SAP30BP: variants seen among roughly 807,000 people sequenced by gnomAD.
The protein encoded by SAP30BP is SAP30 binding protein.
SAP30BP carries 31 observed loss-of-function variants against 46.3 expected under a neutral mutation model. The observed-to-expected ratio is 0.67, with a 90% confidence interval of 0.50 to 0.90. SAP30BP has a LOEUF of 0.90. Ranked by LOEUF, SAP30BP falls within the 40% of genes least tolerant of loss-of-function variation. SAP30BP has a pLI of 0.00. For synonymous variants in SAP30BP, 169 were observed against 144.2 expected, an observed-to-expected ratio of 1.17 and a Z score of -1.23; for missense variants, 312 against 391.0, an observed-to-expected ratio of 0.80 and a Z score of 1.70.
Position 75,700,438 on chromosome 17 carries a change from C to T in SAP30BP, c.396+567C>T, listed in dbSNP as rs373154263. Among the ~76,000 whole-genome samples the T allele has an allele frequency of 7.6e-4, 115 of 152,304 alleles. 2 individuals are homozygous for T. In the South Asian group the frequency reaches 0.017, roughly 22 times the overall value. On this transcript the variant is annotated intron_variant, in intron 5 of 10. Coordinates refer to ENST00000584667, the MANE Select transcript of SAP30BP (RefSeq NM_013260.8). ...CAGCTAGGGTTCAGCCCGTGGCTCT[C>T]CTTGTCCCTCTGTGGGTTCCCTTGT...
chr17:75,701,066 T>C (rs1394924796), intron 5 of SAP30BP, among the ~76,000 whole-genome samples: 2 of 152,130 alleles, frequency 1.3e-5, no homozygotes, highest in Admixed American at 1.3e-4. Flanking sequence ...CAGTCTCGGC[T>C]GAAGTCACAG....
intron 3 of SAP30BP, among the ~76,000 whole-genome samples, chr17:75,681,408 G>T (rs2060074105): frequency 6.6e-6 from 1 of 152,210 alleles, no homozygotes; most frequent in Admixed American, 6.5e-5. Context: ...AGGTCTCCCA[G>T]TTGACGGGAG....
At chr17:75,678,483 C>CAA (rs1429255447) in intron 3 of SAP30BP, among the ~76,000 whole-genome samples, 3 of 151,882 alleles carry the variant, frequency 2.0e-5, no homozygotes, top group East Asian at 3.9e-4. Context: ...CACACACACA[C>CAA]ACACACACAC....
rs991809106 is a variant in SAP30BP at position 75,706,263 on chromosome 17, C to T, written c.746-77C>T. 1.2e-5 allele frequency: 19 copies of T among 1,553,314 alleles called. No individual in the cohort carries two copies. The highest frequency in any genetic ancestry group is 1.7e-4 in the Middle Eastern group (1 of 5,944). On this transcript the variant is annotated intron_variant, in intron 10 of 10. Transcript: ENST00000584667. The surrounding 1 kb of genome is among the most constrained non-coding windows in gnomAD (Gnocchi z 4.6). ...CTTCGGGGTCTGCTCCCTAGACTCC[C>T]GCTGGCCTGCAGGGGGAAGGGAAAG...
chr17:75,678,463 AACACACACAC>A lies in SAP30BP; in HGVS notation c.264+6622_264+6631del, dbSNP rs59943167. Among the ~76,000 whole-genome samples the A allele has an allele frequency of 2.0e-4, 30 of 147,648 alleles. 1 individual carries two copies. Among genetic ancestry groups the A allele is most frequent in the South Asian group, 4.3e-4 (2 of 4,614 alleles). ...CACGTTCAACACAGACACAATTTAA[AACACACACAC>A]ACACACACACACACACACACAATTG... is the stretch of plus-strand genomic sequence containing the variant. On this transcript the variant is annotated intron_variant, in intron 3 of 10. Coordinates refer to ENST00000584667, the MANE Select transcript of SAP30BP (RefSeq NM_013260.8).
intron 8 of SAP30BP, among the ~76,000 whole-genome samples, 194 bp from the exon 9 acceptor site, chr17:75,704,562 G>A (rs1373896852): frequency 1.3e-5 from 2 of 152,228 alleles, no homozygotes. Flanking sequence ...CACAGGGCAT[G>A]CAGCCCGCCA....
chr17:75,673,927 C>T (rs1457809804), intron 3 of SAP30BP, among the ~76,000 whole-genome samples: 1 of 152,194 alleles, frequency 6.6e-6, no homozygotes, highest in African/African-American at 2.4e-5. Flanking sequence ...TCAAGTTTTA[C>T]TGTGGAATGA....
chr17:75,668,676 C>A, intron 2 of SAP30BP, 51 bp downstream of exon 2: 1 of 1,272,062 alleles, frequency 7.9e-7, no homozygotes, highest in South Asian at 1.3e-5. Flanking sequence ...TTTCATTTGT[C>A]AGATTTTGGA....
intron 3 of SAP30BP, 103 bp downstream of exon 3, chr17:75,671,966 G>A (rs2059914141): frequency 6.6e-6 from 6 of 908,848 alleles, no homozygotes; most frequent in Non-Finnish European, 1.1e-5. Context: ...CTGACAAACT[G>A]TGCAACTGTG....
intron 1 of SAP30BP, 119 bp downstream of exon 1, chr17:75,667,597 T>G: frequency 1.2e-6 from 1 of 836,198 alleles, no homozygotes; most frequent in Non-Finnish European, 1.9e-6. Context: ...CCCCGAAGAA[T>G]GGTCCAGGGT....
chr17:75,682,401 T>C (rs1228037218), intron 3 of SAP30BP, among the ~76,000 whole-genome samples: 2 of 152,022 alleles, frequency 1.3e-5, no homozygotes, highest in East Asian at 3.9e-4. Flanking sequence ...GTCAGGCTGG[T>C]CTTGAACTCC....
intron 9 of SAP30BP, chr17:75,705,179 G>C (rs1471445605): frequency 3.6e-6 from 1 of 280,204 alleles, no homozygotes; most frequent in Non-Finnish European, 7.0e-6. Flanking sequence ...TGAGTGTCTT[G>C]GCCTCCAGAG....
Position 75,699,797 on chromosome 17 carries a change from A to G in SAP30BP, c.322A>G (p.Arg108Gly). The G allele has an allele frequency of 6.2e-7, 1 of 1,612,346 alleles. No homozygotes were observed. The highest frequency in any genetic ancestry group is 8.5e-7 in the Non-Finnish European group (1 of 1,178,466). The change falls in exon 5 of 11, where the codon AGA becomes GGA. Residue 108 changes from arginine to glycine, a missense_variant. Physicochemically the swap from Arg to Gly is moderately radical, Grantham distance 125. Around this residue, in one of 2 missense-constraint regions of SAP30BP, gnomAD observed 296 missense variants for 346.6 expected, o/e 0.85. Coordinates refer to ENST00000584667, the MANE Select transcript of SAP30BP (RefSeq NM_013260.8). ...TCTCTCAACAGCCTCCTTTTCTGAA[A>G]GAGTTCGGAACATGTCGCCTGATGA... Reference protein sequence around the residue: ...PQELVASFSERVRNMSPDEIK... With the variant: ...PQELVASFSEGVRNMSPDEIK...
At chr17:75,691,326 AG>A (rs2060238798) in intron 3 of SAP30BP, 4 of 424,018 alleles carry the variant, frequency 9.4e-6, no homozygotes, top group Non-Finnish European at 1.9e-5. Flanking sequence ...GCCAACCTAA[AG>A]GAAAAAAATA....
At position 75,677,755 on chromosome 17, in the gene SAP30BP, C is replaced by CTT. The variant is rs35174866; in HGVS notation, c.264+5912_264+5913dup. On this transcript the variant is annotated intron_variant, in intron 3 of 10. Coordinates refer to ENST00000584667, the MANE Select transcript of SAP30BP (RefSeq NM_013260.8). ...GAATCCCATGGGATTACACCCAGCCCTTTTTTTTTTTTTTTTTTTTTAAAT... is the reference window on the plus strand; with the variant it reads ...GAATCCCATGGGATTACACCCAGCCCTTTTTTTTTTTTTTTTTTTTTTTAAAT... 9.9e-3 allele frequency among the ~76,000 whole-genome samples: 1,186 copies of CTT among 119,240 alleles called. 14 individuals carry two copies. Among genetic ancestry groups the CTT allele is most frequent in the African/African-American group, 0.012 (368 of 31,610 alleles). 78.2% of individuals were successfully genotyped at this position (119,240 alleles called of 152,430 possible).
Position 75,706,578 on chromosome 17 carries a change from G to A in SAP30BP, c.*57G>A. 1 of 1,500,246 alleles carries A rather than the reference G, an allele frequency of 6.7e-7. No homozygotes were observed. Among genetic ancestry groups the A allele is most frequent in the South Asian group, 1.2e-5 (1 of 86,080 alleles). The allele number at this position is 1,500,246 out of a possible 1,614,324, so 92.9% of individuals were successfully genotyped here. A position where few individuals can be genotyped will look rare whatever the true frequency, so the allele number is the denominator to read the frequency against. ...CGTGCAGCCCAGTGACCACTGCCCA[G>A]TGGGAGGCGCCACTTTGTATATTTC... On this transcript the variant is annotated 3_prime_UTR_variant, in exon 11 of 11. Transcript: ENST00000584667. The surrounding 1 kb of genome is among the most constrained non-coding windows in gnomAD (Gnocchi z 4.6).
At chr17:75,668,854 G>A (rs1409584696) in intron 2 of SAP30BP, among the ~76,000 whole-genome samples, 1 of 152,216 alleles carries the variant, frequency 6.6e-6, no homozygotes, top group African/African-American at 2.4e-5. Context: ...GGAAAAGATA[G>A]TGGATTATTT....
At chr17:75,669,156 C>T (rs2059869584) in intron 2 of SAP30BP, among the ~76,000 whole-genome samples, 1 of 152,088 alleles carries the variant, frequency 6.6e-6, no homozygotes, top group South Asian at 2.1e-4. Context: ...TAGTTCACTA[C>T]AGTCTTGAAC....
At chr17:75,694,418 C>T (rs765840608) in intron 4 of SAP30BP, among the ~76,000 whole-genome samples, 17 of 152,216 alleles carry the variant, frequency 1.1e-4, no homozygotes, top group Non-Finnish European at 1.8e-4. Context: ...GGTGGGAACA[C>T]GGTAACGCTG....
Sources: allele counts gnomAD v4.1 joint callset (sites outside exome capture counted in the v4.1 genomes callset), GRCh38; gene constraint gnomAD v4.1.1; regional missense constraint gnomAD v4.1.1; non-coding constraint Gnocchi (gnomAD v3.1); transcripts MANE v1.5; gene names NCBI Gene and HGNC (gene_info 2026-07-23, HGNC 2026-07-21).